Variants in LYRM4 observed in about 807,000 individuals in gnomAD.
LYRM4 encodes the protein LYR motif containing 4.
In LYRM4, 9 loss-of-function variants were observed where a neutral mutation model predicts 11.7. The ratio of observed to expected loss-of-function variants is 0.77; its 90% CI spans 0.46 to 1.34. The LOEUF is 1.34. Ranked by LOEUF, LYRM4 falls within the 40% of genes most tolerant of loss-of-function variation. LYRM4 has a pLI of 0.00. For synonymous variants in LYRM4, 42 were observed against 40.4 expected (o/e 1.04, Z -0.15); for missense variants, 133 against 112.5 (o/e 1.18, Z -0.82).
intron 2 of LYRM4, among the ~76,000 whole-genome samples, chr6:5,149,789 TA>T (rs1248402018): frequency 6.6e-6 from 1 of 152,158 alleles, no homozygotes; most frequent in Non-Finnish European, 1.5e-5. Flanking sequence ...CAATTCCACT[TA>T]AAAGCATGCC....
the LYRM4 span, chr6:5,089,007 G>A: frequency 6.6e-6 from 1 of 152,226 alleles, no homozygotes; most frequent in Non-Finnish European, 1.5e-5. Flanking sequence ...TGAACTTTGG[G>A]TTGGAGATAT....
At chr6:5,095,815 A>G in the LYRM4 span, among the ~76,000 whole-genome samples, 1 of 151,864 alleles carries the variant, frequency 6.6e-6, no homozygotes, top group Non-Finnish European at 1.5e-5. Context: ...CCTCATCTCT[A>G]CTAAAAATAC....
chr6:5,038,972 G>T, the LYRM4 span, among the ~76,000 whole-genome samples: 1 of 151,682 alleles, frequency 6.6e-6, no homozygotes, highest in South Asian at 2.1e-4. Context: ...GGTTAATCCT[G>T]CAAAGTCTGG....
At chr6:5,063,263 A>G in the LYRM4 span, among the ~76,000 whole-genome samples, 1 of 151,924 alleles carries the variant, frequency 6.6e-6, no homozygotes, top group East Asian at 1.9e-4. Flanking sequence ...CTTGGTCCTC[A>G]TGAAGCATTC....
In LYRM4 at chr6:5,225,441, AT is replaced by A. The variant is rs200110929; in HGVS notation, c.87-8704del. Among the ~76,000 whole-genome samples, 915 of 151,914 alleles carry A rather than the reference AT, an allele frequency of 6.0e-3. 11 individuals carry two copies. The highest frequency in any genetic ancestry group is 0.043 in the South Asian group (208 of 4,820). ...TTCATATTAAAATCTCTACGTGTAC[AT>A]TTTTTTTCCTTCACAAACGGTAGCA... On this transcript the variant is annotated intron_variant, in intron 1 of 2. Coordinates refer to ENST00000330636, the MANE Select transcript of LYRM4 (RefSeq NM_020408.6).
chr6:5,187,930 C>T (rs947346972), intron 2 of LYRM4, among the ~76,000 whole-genome samples: 4 of 152,082 alleles, frequency 2.6e-5, no homozygotes, highest in Non-Finnish European at 5.9e-5. Flanking sequence ...TCTAAATGCA[C>T]GGGAAATTTC....
the LYRM4 span, among the ~76,000 whole-genome samples, chr6:5,043,686 C>G: frequency 2.6e-5 from 4 of 152,272 alleles, no homozygotes; most frequent in African/African-American, 9.6e-5. Context: ...TGTGCCACCC[C>G]CCATTCCTCG....
the LYRM4 span, among the ~76,000 whole-genome samples, chr6:5,060,504 A>AT: frequency 0.14 from 20,022 of 144,210 alleles, 1,456 homozygotes; most frequent in African/African-American, 0.19. Context: ...CGATTTTTGT[A>AT]TTTTTTTTTT....
At chr6:5,074,397 CTTTTTTTTTTTTTTT>C in the LYRM4 span, among the ~76,000 whole-genome samples, 4 of 76,770 alleles carry the variant, frequency 5.2e-5, no homozygotes, top group Admixed American at 3.1e-4. Flanking sequence ...AGCACAGGTA[CTTTTTTTTTTTTTTT>C]TTTTTTTTTT....
chr6:5,083,970 G>A, the LYRM4 span, among the ~76,000 whole-genome samples: 2 of 152,306 alleles, frequency 1.3e-5, no homozygotes, highest in East Asian at 3.9e-4. Flanking sequence ...CAAGCCCACT[G>A]AGTCACAAAC....
the LYRM4 span, among the ~76,000 whole-genome samples, chr6:5,041,549 C>T: frequency 6.6e-6 from 1 of 152,144 alleles, no homozygotes; most frequent in African/African-American, 2.4e-5. Context: ...GAGTGTAATA[C>T]GTAAAATTAA....
chr6:5,164,916 C>T (rs902708979), intron 2 of LYRM4, among the ~76,000 whole-genome samples: 2 of 137,668 alleles, frequency 1.5e-5, no homozygotes, highest in South Asian at 4.5e-4. Context: ...TGCAGTGAGC[C>T]GAGATTGTGC....
intron 2 of LYRM4, among the ~76,000 whole-genome samples, chr6:5,139,040 T>C (rs1452609629): frequency 6.6e-6 from 1 of 152,246 alleles, no homozygotes; most frequent in Non-Finnish European, 1.5e-5. Context: ...CCTACTATGT[T>C]CTAGGCACTT....
rs1762764857 is a variant in LYRM4, at chr6:5,109,184, C to T, written c.*239G>A. On this transcript the variant is annotated 3_prime_UTR_variant, in exon 3 of 3. Transcript: ENST00000330636. ...ATGGGGTGCAGGGGAGACGTGGTAACACACAGCACTATTCTGAACGAACTC... is the reference window on the plus strand; with the variant it reads ...ATGGGGTGCAGGGGAGACGTGGTAATACACAGCACTATTCTGAACGAACTC... 5 of 1,369,582 alleles carry T rather than the reference C, an allele frequency of 3.7e-6. No individual in the cohort carries two copies. Among genetic ancestry groups the T allele is most frequent in the Admixed American group, 3.0e-5 (1 of 33,830 alleles). 84.8% of individuals were successfully genotyped at this position (1,369,582 alleles called of 1,614,324 possible). A position where few individuals can be genotyped will look rare whatever the true frequency, so the allele number is the denominator to read the frequency against.
chr6:5,053,691 T>C, the LYRM4 span, among the ~76,000 whole-genome samples: 1 of 151,922 alleles, frequency 6.6e-6, no homozygotes, highest in African/African-American at 2.4e-5. Flanking sequence ...CCAGAATCCC[T>C]AGGAAATTAT....
At chr6:5,051,905 G>A in the LYRM4 span, among the ~76,000 whole-genome samples, 1 of 152,152 alleles carries the variant, frequency 6.6e-6, no homozygotes, top group African/African-American at 2.4e-5. Flanking sequence ...GAGATACCAG[G>A]CTCTTTTTAA....
At chr6:5,188,595 T>G (rs983901860) in intron 2 of LYRM4, among the ~76,000 whole-genome samples, 1 of 152,198 alleles carries the variant, frequency 6.6e-6, no homozygotes, top group African/African-American at 2.4e-5. Flanking sequence ...GTGATCTGGG[T>G]GTGAAACTTG....
chr6:5,086,459 T>G, the LYRM4 span: 1 of 1,536,940 alleles, frequency 6.5e-7, no homozygotes, highest in African/African-American at 1.4e-5. Context: ...GGCGTCGCGG[T>G]CCACTTCGCT....
intron 2 of LYRM4, among the ~76,000 whole-genome samples, chr6:5,143,951 A>C (rs1467772314): frequency 1.3e-5 from 2 of 152,248 alleles, no homozygotes; most frequent in Non-Finnish European, 2.9e-5. Context: ...AAACATTCAC[A>C]GTATATCTTC....
Sources: gnomAD v4.1 joint callset for allele counts (sites outside exome capture counted in the v4.1 genomes callset) on GRCh38, gnomAD v4.1.1 for gene constraint, MANE v1.5 for transcripts, NCBI Gene and HGNC (gene_info 2026-07-23, HGNC 2026-07-21) for gene names.